The following EVC2 variants were observed in gnomAD, a reference collection of about 807,000 sequenced individuals.
The protein encoded by EVC2 is limbin.
EVC2 carries 148 observed loss-of-function variants against 149.3 expected under a neutral mutation model. The observed-to-expected ratio is 0.99, with a 90% confidence interval of 0.87 to 1.14. The LOEUF is 1.14. Among genes scored for constraint, EVC2 ranks in the 50% most tolerant of loss-of-function variants. The pLI is 0.00. For synonymous variants in EVC2, 776 were observed against 649.9 expected, an observed-to-expected ratio of 1.19 and a Z score of -2.95; for missense variants, 1,854 against 1,627.3, an observed-to-expected ratio of 1.14 and a Z score of -2.40.
intron 16 of EVC2, among the ~76,000 whole-genome samples, chr4:5,595,693 G>C (rs1377357433): frequency 6.6e-6 from 1 of 152,140 alleles, no homozygotes; most frequent in Non-Finnish European, 1.5e-5. Context: ...ACATCATCAT[G>C]ACAGGATCAA....
intron 5 of EVC2, 42 bp downstream of exon 5, chr4:5,689,115 T>C (rs1327181195): frequency 6.8e-6 from 11 of 1,607,788 alleles, no homozygotes; most frequent in East Asian, 2.2e-5. Context: ...TCTGTACATA[T>C]TCTCATTTGT....
chr4:5,620,045 G>C (rs1715570039), intron 14 of EVC2, among the ~76,000 whole-genome samples: 1 of 152,174 alleles, frequency 6.6e-6, no homozygotes, highest in African/African-American at 2.4e-5. Flanking sequence ...GTCTTTCGTG[G>C]AAAGAGAATG....
At chr4:5,652,905 G>A (rs538247911) in intron 9 of EVC2, among the ~76,000 whole-genome samples, 35 of 152,296 alleles carry the variant, frequency 2.3e-4, no homozygotes, top group African/African-American at 8.4e-4. Flanking sequence ...AGTACCATCA[G>A]CTAGATGGCT....
chr4:5,665,566 G>C lies in EVC2; in HGVS notation c.954C>G (p.Phe318Leu). 2 of 1,614,198 alleles carry C rather than the reference G, an allele frequency of 1.2e-6. No homozygotes were observed. The highest frequency in any genetic ancestry group is 1.7e-6 in the Non-Finnish European group (2 of 1,180,034). Reference protein sequence around the residue: ...LSLVLTWAALFLMVRYQCLKG... With the variant: ...LSLVLTWAALLLMVRYQCLKG... Reference sequence around the variant, plus strand: ...TCAGACACTGATAGCGAACCATGAGGAAGAGGGCAGCCCAGGTCAGCACAA... The same window carrying C: ...TCAGACACTGATAGCGAACCATGAGCAAGAGGGCAGCCCAGGTCAGCACAA... The change falls in exon 8 of 22, where the codon TTC (phenylalanine) becomes TTG (leucine). Residue 318 changes from phenylalanine (F) to leucine (L), a missense_variant. Phe to Leu is a conservative substitution (Grantham distance 22). Transcript: ENST00000344408.
rs1716681214 is a variant in EVC2 at position 5,633,257 on chromosome 4, C to T, written c.1471-1225G>A. On this transcript the variant is annotated intron_variant, in intron 10 of 21. Transcript: ENST00000344408. The surrounding 1 kb of genome is among the most constrained non-coding windows in gnomAD (Gnocchi z 4.4). ...GCTTGAATGAGCTTGGACCAGGACC[C>T]CAAGCTCCAGAGGAGAATGCAGCTC... Among the ~76,000 whole-genome samples, 1 of 152,136 alleles carries T rather than the reference C, an allele frequency of 6.6e-6. No individual in the cohort carries two copies. Among genetic ancestry groups the T allele is most frequent in the Non-Finnish European group, 1.5e-5 (1 of 68,022 alleles).
downstream of EVC2, among the ~76,000 whole-genome samples, chr4:5,542,307 T>C (rs1721528297): frequency 6.6e-6 from 1 of 151,878 alleles, no homozygotes; most frequent in Non-Finnish European, 1.5e-5. Flanking sequence ...TTTAAGAAAT[T>C]ACCCAGGCAT....
At position 5,685,513 on chromosome 4, in the gene EVC2, G is replaced by C. The variant is rs1192848624; in HGVS notation, c.707-34C>G. The C allele has an allele frequency of 1.9e-6, 3 of 1,597,890 alleles. No homozygotes were observed. The East Asian group carries it at 6.7e-5, about 36-fold the overall frequency. Reference sequence around the variant, plus strand: ...AGAAAAGCACATGTGACTCAGGGAGGGCTTGGCCACGCCCCCGGCTGCACC... The same window carrying C: ...AGAAAAGCACATGTGACTCAGGGAGCGCTTGGCCACGCCCCCGGCTGCACC... On this transcript the variant is annotated intron_variant, in intron 5 of 21. Transcript: ENST00000344408.
chr4:5,544,586 G>A (rs1478075927), intron 21 of EVC2, among the ~76,000 whole-genome samples: 1 of 152,104 alleles, frequency 6.6e-6, no homozygotes, highest in African/African-American at 2.4e-5. Flanking sequence ...TCCCCAAGAG[G>A]GAAGAGTAGA....
chr4:5,656,479 T>C (rs889289321), intron 9 of EVC2, among the ~76,000 whole-genome samples: 2 of 152,152 alleles, frequency 1.3e-5, no homozygotes, highest in Non-Finnish European at 2.9e-5. Context: ...TTTGCAGATA[T>C]AATTAAGTGA....
intron 9 of EVC2, among the ~76,000 whole-genome samples, chr4:5,648,334 C>T (rs1325419019): frequency 6.6e-6 from 1 of 152,172 alleles, no homozygotes; most frequent in Non-Finnish European, 1.5e-5. Context: ...TAATTTGTTA[C>T]AGCTGAATAG....
At chr4:5,543,014 G>T (rs1196445158) in intron 22 of EVC2, 2 of 606,674 alleles carry the variant, frequency 3.3e-6, no homozygotes, top group Non-Finnish European at 5.2e-6. Context: ...AGTGATGCGG[G>T]CAGAGCAGAA....
intron 21 of EVC2, among the ~76,000 whole-genome samples, chr4:5,555,763 T>C (rs1248092079): frequency 6.6e-6 from 1 of 152,194 alleles, no homozygotes; most frequent in Non-Finnish European, 1.5e-5. Flanking sequence ...AAGAACATAG[T>C]TGGCCTGAAT....
chr4:5,629,317 C>A (rs1716358227), intron 11 of EVC2, among the ~76,000 whole-genome samples: 1 of 152,196 alleles, frequency 6.6e-6, no homozygotes, highest in African/African-American at 2.4e-5. Context: ...TCTAACTCAA[C>A]CTAGGGAGAC....
chr4:5,683,721 G>C (rs1197913039), intron 6 of EVC2, among the ~76,000 whole-genome samples: 1 of 152,098 alleles, frequency 6.6e-6, no homozygotes, highest in Admixed American at 6.6e-5. Flanking sequence ...AGCATGCAGG[G>C]AGCCAGGCTC....
At chr4:5,699,922 C>G (rs1721722627) in intron 1 of EVC2, among the ~76,000 whole-genome samples, 1 of 152,286 alleles carries the variant, frequency 6.6e-6, no homozygotes, top group South Asian at 2.1e-4. Flanking sequence ...AGGCTGATCA[C>G]TTGAGGTCAG....
At chr4:5,695,848 TAGAATTTC>T (rs1721441966) in intron 2 of EVC2, among the ~76,000 whole-genome samples, 1 of 152,182 alleles carries the variant, frequency 6.6e-6, no homozygotes, top group African/African-American at 2.4e-5. Context: ...AAACTTTCTA[TAGAATTTC>T]AAAATATATG....
At chr4:5,597,129 C>T (rs945462226) in intron 16 of EVC2, among the ~76,000 whole-genome samples, 1 of 152,110 alleles carries the variant, frequency 6.6e-6, no homozygotes, top group African/African-American at 2.4e-5. Context: ...CCGAATTCTA[C>T]CAGAGGTAGA....
intron 8 of EVC2, among the ~76,000 whole-genome samples, chr4:5,664,096 G>A (rs566290477): frequency 3.9e-5 from 6 of 152,294 alleles, no homozygotes; most frequent in Non-Finnish European, 5.9e-5. Context: ...CCTGTGCCAG[G>A]TATTATTTTC....
intron 14 of EVC2, among the ~76,000 whole-genome samples, chr4:5,619,017 G>T (rs573804240): frequency 6.6e-6 from 1 of 152,276 alleles, no homozygotes; most frequent in African/African-American, 2.4e-5. Context: ...ACTGTCTGTG[G>T]AGCCTGGCCA....
Sources: allele counts gnomAD v4.1 joint callset (sites outside exome capture counted in the v4.1 genomes callset), GRCh38; gene constraint gnomAD v4.1.1; non-coding constraint Gnocchi (gnomAD v3.1); transcripts MANE v1.5; gene names NCBI Gene and HGNC (gene_info 2026-07-23, HGNC 2026-07-21).